Variants in SNX13 observed in about 807,000 individuals in gnomAD.
SNX13 encodes sorting nexin-13.
In SNX13, 45 loss-of-function variants were observed where a neutral mutation model predicts 133.6. The observed-to-expected ratio is 0.34, with a 90% CI of 0.27 to 0.43. The LOEUF (loss-of-function observed/expected upper bound fraction) is 0.43. Ranked by LOEUF, SNX13 falls within the 20% of genes least tolerant of loss-of-function variation. The probability of loss-of-function intolerance (pLI) is 1.00; values close to 1 mark genes in which losing one functional copy is unlikely to be tolerated. For synonymous variants in SNX13, 414 were observed against 373.9 expected, an observed-to-expected ratio of 1.11 and a Z score of -1.24; for missense variants, 1,032 against 1,145.1, an observed-to-expected ratio of 0.90 and a Z score of 1.43.
At chr7:17,912,830 G>T (rs549118321) in intron 1 of SNX13, among the ~76,000 whole-genome samples, 1 of 152,304 alleles carries the variant, frequency 6.6e-6, no homozygotes, top group South Asian at 2.1e-4. Context: ...TTGCCCTGGA[G>T]TGGGGAAAGG....
chr7:17,799,682 C>T (rs1784413922), intron 22 of SNX13, among the ~76,000 whole-genome samples: 1 of 151,716 alleles, frequency 6.6e-6, no homozygotes, highest in Non-Finnish European at 1.5e-5. Flanking sequence ...ATTCACATTA[C>T]AAAAGGCATA....
At chr7:17,829,953 T>C in intron 16 of SNX13, 57 bp downstream of exon 16, 1 of 1,260,806 alleles carries the variant, frequency 7.9e-7, no homozygotes, top group Non-Finnish European at 1.1e-6. Context: ...ATGTTAAGGC[T>C]CAGCCTTTTA....
intron 5 of SNX13, among the ~76,000 whole-genome samples, chr7:17,887,090 C>T (rs1796091697): frequency 6.6e-6 from 1 of 152,024 alleles, no homozygotes; most frequent in African/African-American, 2.4e-5. Context: ...TATGTGCCAG[C>T]TTATAGAGGC....
chr7:17,894,311 A>G (rs1191984478), intron 2 of SNX13, among the ~76,000 whole-genome samples: 1 of 152,154 alleles, frequency 6.6e-6, no homozygotes, highest in Non-Finnish European at 1.5e-5. Context: ...AAAAAAGAAA[A>G]GAAAAATCAG....
intron 15 of SNX13, among the ~76,000 whole-genome samples, 200 bp downstream of exon 15, chr7:17,833,852 C>T (rs1357796): frequency 0.56 from 85,230 of 151,360 alleles, 24,499 homozygotes; most frequent in South Asian, 0.68. Flanking sequence ...TCTATAGTTA[C>T]ATTCTAATCC....
intron 18 of SNX13, among the ~76,000 whole-genome samples, chr7:17,817,910 T>C (rs1456674856): frequency 6.6e-6 from 1 of 152,182 alleles, no homozygotes; most frequent in Non-Finnish European, 1.5e-5. Context: ...CAAATTCATG[T>C]TGAAGCCCTA....
chr7:17,821,695 A>G, intron 17 of SNX13, 47 bp from the exon 18 acceptor site: 1 of 1,533,758 alleles, frequency 6.5e-7, no homozygotes, highest in Non-Finnish European at 8.8e-7. Context: ...ATCATTTAAA[A>G]CAAAATGAAG....
At chr7:17,881,605 C>CA (rs921477831) in intron 5 of SNX13, 35 of 152,186 alleles carry the variant, frequency 2.3e-4, no homozygotes, top group African/African-American at 7.9e-4. Context: ...TCAACTGACT[C>CA]AGACTTTTTT....
intron 16 of SNX13, among the ~76,000 whole-genome samples, chr7:17,827,556 T>C (rs188616338): frequency 3.2e-4 from 48 of 152,126 alleles, no homozygotes; most frequent in Non-Finnish European, 5.0e-4. Flanking sequence ...CAAAATGTGA[T>C]AATTCTATAC....
chr7:17,852,475 T>A (rs1791345081), intron 9 of SNX13, among the ~76,000 whole-genome samples: 1 of 152,114 alleles, frequency 6.6e-6, no homozygotes, highest in Non-Finnish European at 1.5e-5. Flanking sequence ...AAATAAGGAA[T>A]CTAAGAATTG....
At chr7:17,906,235 AAG>A (rs1296894511) in intron 1 of SNX13, among the ~76,000 whole-genome samples, 1 of 152,154 alleles carries the variant, frequency 6.6e-6, no homozygotes, top group African/African-American at 2.4e-5. Context: ...GAACAAATGA[AAG>A]AGAAAAAAAA....
chr7:17,932,742 T>G (rs1002461579), intron 1 of SNX13, among the ~76,000 whole-genome samples: 1 of 152,224 alleles, frequency 6.6e-6, no homozygotes, highest in African/African-American at 2.4e-5. Flanking sequence ...GAAATCCATT[T>G]CAGAGCTGCT....
At chr7:17,816,348 G>T in intron 18 of SNX13, 59 bp from the exon 19 acceptor site, 1 of 1,491,178 alleles carries the variant, frequency 6.7e-7, no homozygotes, top group South Asian at 1.3e-5. Flanking sequence ...TTTCCCAAGT[G>T]ATTATTTCTC....
chr7:17,836,191 G>A (rs1487707681), intron 13 of SNX13, among the ~76,000 whole-genome samples: 1 of 151,856 alleles, frequency 6.6e-6, no homozygotes, highest in Non-Finnish European at 1.5e-5. Flanking sequence ...AACCAGTCAA[G>A]ATCCCCTCTT....
At chr7:17,902,495 G>C (rs1441506113) in intron 1 of SNX13, among the ~76,000 whole-genome samples, 4 of 151,970 alleles carry the variant, frequency 2.6e-5, no homozygotes, top group African/African-American at 9.7e-5. Flanking sequence ...ATAACTGGCT[G>C]ACATTATAAT....
rs148860674 is a variant in SNX13, at chr7:17,907,619, C to A, written c.13-10173G>T. 1.4e-3 allele frequency among the ~76,000 whole-genome samples: 206 copies of A among 152,182 alleles called. 2 individuals carry two copies. Among genetic ancestry groups the A allele is most frequent in the African/African-American group, 4.5e-3 (188 of 41,510 alleles). ...GGATAAAACTGAGTAGGCAGCAACA[C>A]CCCCCCTGAAAATAAGCCATGAATG... is the stretch of plus-strand genomic sequence containing the variant. On this transcript the variant is annotated intron_variant, in intron 1 of 25. Transcript: ENST00000428135.
intron 7 of SNX13, among the ~76,000 whole-genome samples, chr7:17,874,561 G>T (rs932701919): frequency 6.6e-6 from 1 of 152,058 alleles, no homozygotes; most frequent in South Asian, 2.1e-4. Context: ...AACATAAAAA[G>T]AAAAGGCAAA....
At chr7:17,888,276 G>C (rs985146643) in intron 5 of SNX13, 4 of 152,188 alleles carry the variant, frequency 2.6e-5, no homozygotes, top group African/African-American at 9.7e-5. Context: ...GTCAAGCAAA[G>C]ATATAAATTT....
At chr7:17,915,403 GTGGATAAACCTAAGTTACACCCTCT>G (rs1444976235) in intron 1 of SNX13, among the ~76,000 whole-genome samples, 2 of 151,768 alleles carry the variant, frequency 1.3e-5, no homozygotes, top group African/African-American at 4.8e-5. Context: ...CACAAGAAAT[GTGGATAAACCTAAGTTACACCCTCT>G]TGTAAATTCC....
Sources: gnomAD v4.1 joint callset for allele counts (sites outside exome capture counted in the v4.1 genomes callset) on GRCh38, gnomAD v4.1.1 for gene constraint, MANE v1.5 for transcripts, NCBI Gene and HGNC (gene_info 2026-07-23, HGNC 2026-07-21) for gene names.